SDK1: variants seen among roughly 807,000 people sequenced by gnomAD.
The protein encoded by SDK1 is protein sidekick-1.
A neutral mutation model predicts 245.5 loss-of-function variants in SDK1; 157 were observed. The ratio of observed to expected loss-of-function variants is 0.64; its 90% confidence interval spans 0.56 to 0.73. The LOEUF is 0.73. Ranked by LOEUF, SDK1 falls within the 30% of genes least tolerant of loss-of-function variation. SDK1 has a pLI of 0.00. For missense variants in SDK1, 3,583 were observed against 3,002.3 expected, an observed-to-expected ratio of 1.19 and a Z score of -4.52; for synonymous variants, 1,647 against 1,278.5, an observed-to-expected ratio of 1.29 and a Z score of -6.15.
intron 4 of SDK1, among the ~76,000 whole-genome samples, chr7:3,778,916 TC>T (rs1780642610): frequency 6.6e-6 from 1 of 152,244 alleles, no homozygotes; most frequent in African/African-American, 2.4e-5. Flanking sequence ...CTAAATGGTT[TC>T]AGACTAAAGA....
intron 38 of SDK1, among the ~76,000 whole-genome samples, chr7:4,215,436 C>G (rs1038216943): frequency 2.0e-5 from 3 of 152,230 alleles, no homozygotes; most frequent in Non-Finnish European, 4.4e-5. Context: ...GCTTCAAAAG[C>G]ATTTGCACGT....
intron 4 of SDK1, among the ~76,000 whole-genome samples, chr7:3,707,184 C>T (rs541464329): frequency 2.0e-5 from 3 of 152,252 alleles, no homozygotes; most frequent in East Asian, 1.9e-4. Context: ...TTTGTGGAGG[C>T]ACTTTATGCT....
chr7:4,037,222 T>G (rs1788286041), intron 17 of SDK1, among the ~76,000 whole-genome samples: 1 of 152,232 alleles, frequency 6.6e-6, no homozygotes, highest in Admixed American at 6.5e-5. Flanking sequence ...AAAGACGAAC[T>G]TCATCTAGAA....
intron 25 of SDK1, among the ~76,000 whole-genome samples, chr7:4,120,693 T>G (rs182892410): frequency 0.011 from 1,661 of 152,018 alleles, 85 homozygotes; most frequent in Middle Eastern, 0.024. Flanking sequence ...CTTGGCTCAC[T>G]GCAACCTCTG....
chr7:3,533,068 G>C (rs2128618415), intron 1 of SDK1, among the ~76,000 whole-genome samples: 1 of 152,348 alleles, frequency 6.6e-6, no homozygotes, highest in East Asian at 1.9e-4. Flanking sequence ...AATTATACAT[G>C]TATTAGATCA....
At chr7:3,664,322 C>T (rs959043676) in intron 4 of SDK1, among the ~76,000 whole-genome samples, 1 of 152,182 alleles carries the variant, frequency 6.6e-6, no homozygotes, top group Non-Finnish European at 1.5e-5. Context: ...CTCAGGGCAA[C>T]TCCAGCTAAA....
chr7:3,752,081 A>G (rs1216973455), intron 4 of SDK1, among the ~76,000 whole-genome samples: 1 of 152,198 alleles, frequency 6.6e-6, no homozygotes, highest in East Asian at 1.9e-4. Flanking sequence ...AAGTTAACCA[A>G]TAAACACTTT....
chr7:4,005,638 A>G (rs771408661), intron 14 of SDK1, among the ~76,000 whole-genome samples: 2 of 152,034 alleles, frequency 1.3e-5, no homozygotes, highest in Non-Finnish European at 1.5e-5. Context: ...CTCCTCCCCA[A>G]GCGGGTTTCT....
intron 4 of SDK1, among the ~76,000 whole-genome samples, chr7:3,663,773 T>G (rs2341450): frequency 0.36 from 54,873 of 152,016 alleles, 10,882 homozygotes; most frequent in African/African-American, 0.52. Context: ...ACTGTCAAAG[T>G]CTGTACATCT....
intron 35 of SDK1, among the ~76,000 whole-genome samples, chr7:4,201,371 AT>A (rs1179189988): frequency 6.6e-6 from 1 of 152,186 alleles, no homozygotes; most frequent in Non-Finnish European, 1.5e-5. Flanking sequence ...AGAGAATTCT[AT>A]TTCCCATAGT....
intron 1 of SDK1, among the ~76,000 whole-genome samples, chr7:3,482,520 T>G (rs1208461064): frequency 2.0e-5 from 3 of 152,168 alleles, no homozygotes; most frequent in Non-Finnish European, 2.9e-5. Context: ...AAGAAATCTC[T>G]GCGCAGAAGA....
chr7:3,313,805 TTAAG>T (rs1366137331), intron 1 of SDK1, among the ~76,000 whole-genome samples: 1 of 152,212 alleles, frequency 6.6e-6, no homozygotes, highest in African/African-American at 2.4e-5. Flanking sequence ...AAAGTAAATT[TTAAG>T]TATTCCTACC....
intron 22 of SDK1, among the ~76,000 whole-genome samples, chr7:4,096,884 C>T (rs1782182546): frequency 6.6e-6 from 1 of 152,182 alleles, no homozygotes; most frequent in African/African-American, 2.4e-5. Context: ...GCGAAGTCCC[C>T]AGTGACTGTA....
chr7:4,044,650 G>A (rs1293940210), intron 17 of SDK1, among the ~76,000 whole-genome samples: 1 of 151,932 alleles, frequency 6.6e-6, no homozygotes, highest in Non-Finnish European at 1.5e-5. Flanking sequence ...TCACCCTGTT[G>A]CCCAGGCTGG....
In SDK1 at chr7:3,617,362, A is replaced by G. The variant is rs986500893; in HGVS notation, c.299-1718A>G. On this transcript the variant is annotated intron_variant, in intron 1 of 44. Transcript: ENST00000404826. ...ACTTTAATTTCAGTATCTGATAACT[A>G]TTGTAAATGGAATAAACATAATGAC... Among the ~76,000 whole-genome samples, 5 of 152,214 alleles carry G rather than the reference A, an allele frequency of 3.3e-5. No individual in the cohort carries two copies. The East Asian group carries it at 5.8e-4, about 18-fold the overall frequency.
At chr7:3,431,617 G>C (rs773460435) in intron 1 of SDK1, among the ~76,000 whole-genome samples, 1 of 152,088 alleles carries the variant, frequency 6.6e-6, no homozygotes, top group Non-Finnish European at 1.5e-5. Flanking sequence ...TCAAACTTTT[G>C]TGGTAATCTT....
chr7:4,174,835 C>G (rs1025279548), intron 33 of SDK1, among the ~76,000 whole-genome samples: 11 of 152,146 alleles, frequency 7.2e-5, no homozygotes, highest in African/African-American at 2.7e-4. Flanking sequence ...GAGGGCCCAG[C>G]TGCCTTCAAG....
At chr7:3,821,245 T>C (rs1779638498) in intron 4 of SDK1, among the ~76,000 whole-genome samples, 1 of 116,892 alleles carries the variant, frequency 8.6e-6, no homozygotes, top group South Asian at 2.4e-4. Flanking sequence ...GCTCAGACAC[T>C]GGGGCTGCAG....
chr7:3,329,872 T>G (rs4493813), intron 1 of SDK1, among the ~76,000 whole-genome samples: 58,829 of 152,066 alleles, frequency 0.39, 11,610 homozygotes, highest in African/African-American at 0.47. Context: ...TTAGGTATTA[T>G]AAGTAATCTA....
Sources: gnomAD v4.1 joint callset for allele counts (sites outside exome capture counted in the v4.1 genomes callset) on GRCh38, gnomAD v4.1.1 for gene constraint, MANE v1.5 for transcripts, NCBI Gene and HGNC (gene_info 2026-07-23, HGNC 2026-07-21) for gene names.